The following POLN variants were observed in gnomAD, a reference collection of about 807,000 sequenced individuals.
POLN encodes DNA polymerase N.
POLN carries 108 observed loss-of-function variants against 113.5 expected under a neutral mutation model. The observed-to-expected ratio is 0.95, with a 90% CI of 0.81 to 1.12. The LOEUF (loss-of-function observed/expected upper bound fraction) is 1.12. POLN is among the 50% of genes most tolerant of loss of function. POLN has a pLI of 0.00. For missense variants in POLN, 1,097 were observed against 1,077.1 expected, an observed-to-expected ratio of 1.02 and a Z score of -0.26; for synonymous variants, 386 against 391.5, an observed-to-expected ratio of 0.99 and a Z score of 0.17.
chr4:2,111,389 G>A (rs1029245081), intron 19 of POLN, among the ~76,000 whole-genome samples: 2 of 151,998 alleles, frequency 1.3e-5, no homozygotes, highest in Non-Finnish European at 2.9e-5. Flanking sequence ...GTTCTGGCCA[G>A]GGCAATCAGG....
At chr4:2,116,499 G>A (rs1371052657) in intron 19 of POLN, among the ~76,000 whole-genome samples, 1 of 151,686 alleles carries the variant, frequency 6.6e-6, no homozygotes, top group Non-Finnish European at 1.5e-5. Context: ...AATGTCTCAT[G>A]GTTTTTTCCA....
Position 2,208,450 on chromosome 4 carries a change from G to T in POLN, c.251C>A (p.Ser84Tyr). The change falls in exon 5 of 26, where the codon TCT (serine) becomes TAT (tyrosine). Residue 84 changes from serine (S) to tyrosine (Y), a missense_variant. Ser to Tyr is a moderately radical substitution (Grantham distance 144, BLOSUM62 -2). Coordinates refer to ENST00000511885, the MANE Select transcript of POLN (RefSeq NM_181808.4). The part of the protein sequence containing the change: ...KSLRSQTSRG[S>Y]AKLSPQSFSV... ...GAAGGACTGAGGAGACAGCTTGGCAGAACCTCTTGATGTCTGACTTCTTAA... is the reference window on the plus strand; with the variant it reads ...GAAGGACTGAGGAGACAGCTTGGCATAACCTCTTGATGTCTGACTTCTTAA... 6.4e-7 allele frequency: 1 copy of T among 1,571,680 alleles called. No homozygotes were observed. Among genetic ancestry groups the T allele is most frequent in the South Asian group, 1.2e-5 (1 of 84,644 alleles).
At chr4:2,113,251 G>T (rs1423748418) in intron 19 of POLN, among the ~76,000 whole-genome samples, 1 of 112,528 alleles carries the variant, frequency 8.9e-6, no homozygotes, top group Non-Finnish European at 1.8e-5. Flanking sequence ...TGGGGGGAGG[G>T]GGGAGGGATA....
chr4:2,206,641 G>GA (rs1378164622), intron 5 of POLN, among the ~76,000 whole-genome samples: 2 of 152,062 alleles, frequency 1.3e-5, no homozygotes, highest in African/African-American at 4.8e-5. Flanking sequence ...ACGAATATAT[G>GA]AAAAAATGCT....
intron 2 of POLN, chr4:2,240,953 A>C (rs755238336): frequency 6.3e-7 from 1 of 1,581,084 alleles, no homozygotes; most frequent in Non-Finnish European, 8.5e-7. Context: ...TCATGGTTTT[A>C]ACTACCCCAA....
chr4:2,091,803 G>GCA (rs1280501201), intron 20 of POLN, among the ~76,000 whole-genome samples: 6 of 149,498 alleles, frequency 4.0e-5, no homozygotes, highest in Non-Finnish European at 7.4e-5. Flanking sequence ...GTGTGTGTGC[G>GCA]CGCGCTACAA....
At chr4:2,199,279 A>G (rs565319612) in intron 5 of POLN, among the ~76,000 whole-genome samples, 11 of 152,350 alleles carry the variant, frequency 7.2e-5, no homozygotes, top group South Asian at 2.1e-4. Context: ...GAAAGAAATC[A>G]GAGAAGACCT....
At chr4:2,229,430 G>A (rs1734498380) in intron 2 of POLN, 187 bp from the exon 3 acceptor site, 2 of 456,376 alleles carry the variant, frequency 4.4e-6, no homozygotes, top group Admixed American at 4.1e-5. Context: ...ATAGCTAGAG[G>A]CTTAATCCAG....
At chr4:2,082,916 T>G (rs1280992666) in intron 21 of POLN, 2 of 152,216 alleles carry the variant, frequency 1.3e-5, no homozygotes, top group African/African-American at 2.4e-5. Flanking sequence ...CTTTTGAGGT[T>G]TGCTTCTAAG....
intron 4 of POLN, among the ~76,000 whole-genome samples, chr4:2,209,148 C>A (rs1459554046): frequency 6.6e-6 from 1 of 152,076 alleles, no homozygotes; most frequent in Non-Finnish European, 1.5e-5. Flanking sequence ...AAAATGAAAT[C>A]ACCAAAACTA....
intron 2 of POLN, chr4:2,240,466 T>C: frequency 6.2e-7 from 1 of 1,613,890 alleles, no homozygotes; most frequent in Non-Finnish European, 8.5e-7. Context: ...TTACTGATCT[T>C]AGTGATCATT....
intron 23 of POLN, chr4:2,079,394 C>T (rs937259935): frequency 2.1e-6 from 2 of 974,402 alleles, no homozygotes; most frequent in African/African-American, 3.5e-5. Context: ...GATTTCAGGA[C>T]ACCATGAGAA....
rs978732921 is a variant in POLN at position 2,220,874 on chromosome 4, T to C, written c.134-7748A>G. Among the ~76,000 whole-genome samples, 3 of 152,210 alleles carry C rather than the reference T, an allele frequency of 2.0e-5. No individual in the cohort carries two copies. The East Asian group carries it at 5.8e-4, about 29-fold the overall frequency. ...CATTTATGAATCTTTTCACAATTTC[T>C]TATGAAATGACATACGTATGCATGT... On this transcript the variant is annotated intron_variant, in intron 3 of 25. Coordinates refer to ENST00000511885, the MANE Select transcript of POLN (RefSeq NM_181808.4).
In POLN at chr4:2,178,233, C is replaced by CA. The variant is rs566740615; in HGVS notation, c.1179+1074dup. ...ATGGGCTCTCATCACCTCTTATCCCCAGCTCAGTGCCCAGCACACAGCTTG... is the reference window on the plus strand; with the variant it reads ...ATGGGCTCTCATCACCTCTTATCCCCAAGCTCAGTGCCCAGCACACAGCTTG... On this transcript the variant is annotated intron_variant, in intron 8 of 25. Transcript: ENST00000511885. 4.2e-4 allele frequency among the ~76,000 whole-genome samples: 64 copies of CA among 152,308 alleles called. 1 individual carries two copies. Among genetic ancestry groups the CA allele is most frequent in the African/African-American group, 1.5e-3 (63 of 41,568 alleles).
intron 21 of POLN, 32 bp from the exon 22 acceptor site, chr4:2,081,775 A>G: frequency 6.3e-7 from 1 of 1,590,838 alleles, no homozygotes; most frequent in South Asian, 1.1e-5. Flanking sequence ...TAGATGAGGG[A>G]CAGAAACAGG....
chr4:2,147,339 A>G (rs1732168670), intron 16 of POLN, among the ~76,000 whole-genome samples: 1 of 152,200 alleles, frequency 6.6e-6, no homozygotes, highest in Admixed American at 6.5e-5. Flanking sequence ...CAATGAGAAA[A>G]AAGGTCCTCA....
chr4:2,196,866 C>T (rs981803988), intron 6 of POLN, among the ~76,000 whole-genome samples: 1 of 152,138 alleles, frequency 6.6e-6, no homozygotes, highest in Non-Finnish European at 1.5e-5. Flanking sequence ...AGGAATGAGG[C>T]AGTAAACCAT....
intron 7 of POLN, among the ~76,000 whole-genome samples, chr4:2,190,444 G>T (rs563788246): frequency 6.7e-6 from 1 of 149,994 alleles, no homozygotes; most frequent in African/African-American, 2.5e-5. Context: ...AAAACATTGG[G>T]AAAATGCTCC....
At chr4:2,118,550 A>T (rs1368146656) in intron 19 of POLN, among the ~76,000 whole-genome samples, 1 of 152,210 alleles carries the variant, frequency 6.6e-6, no homozygotes, top group Non-Finnish European at 1.5e-5. Flanking sequence ...CATTAGGGAT[A>T]TTATTTGCCT....
Sources: allele counts gnomAD v4.1 joint callset (sites outside exome capture counted in the v4.1 genomes callset), GRCh38; gene constraint gnomAD v4.1.1; transcripts MANE v1.5; gene names NCBI Gene and HGNC (gene_info 2026-07-23, HGNC 2026-07-21).